NCMAP: variants seen among roughly 807,000 people sequenced by gnomAD.
NCMAP encodes noncompact myelin-associated protein.
Under a neutral mutation model 7.8 loss-of-function variants are expected in NCMAP, and 8 were observed. The observed-to-expected ratio is 1.02, with a 90% CI of 0.60 to 1.84. NCMAP has a LOEUF of 1.84. Ranked by LOEUF, NCMAP falls within the 40% of genes most tolerant of loss-of-function variation. NCMAP has a pLI of 0.00. For missense variants in NCMAP, 112 were observed against 131.4 expected (o/e 0.85, Z 0.72); for synonymous variants, 41 against 52.9 (o/e 0.78, Z 0.98).
chr1:24,587,596 C>T (rs1005819034), intron 1 of NCMAP, among the ~76,000 whole-genome samples: 14 of 152,270 alleles, frequency 9.2e-5, no homozygotes, highest in Non-Finnish European at 2.1e-4. Flanking sequence ...TCACTGCAGC[C>T]TCTGCCTCCC....
intron 2 of NCMAP, among the ~76,000 whole-genome samples, chr1:24,597,497 G>C (rs1411792871): frequency 1.0e-5 from 1 of 100,084 alleles, no homozygotes; most frequent in Non-Finnish European, 1.8e-5. Context: ...GAGAGAGACT[G>C]TCAAAAAAAG....
At chr1:24,577,044 A>G (rs1350371276) in intron 1 of NCMAP, among the ~76,000 whole-genome samples, 4 of 152,310 alleles carry the variant, frequency 2.6e-5, no homozygotes, top group Admixed American at 2.6e-4. Context: ...AGGCTGAGGA[A>G]GAAGCATCAC....
Position 24,605,586 on chromosome 1 carries a change from T to G in NCMAP, c.168-20T>G. On this transcript the variant is annotated intron_variant, in intron 3 of 3. Transcript: ENST00000374392. ...ATACCAGGGGAAAGACTCAACCATG[T>G]GCACATTATCTCCCTACAGGAAAAT... The G allele has an allele frequency of 6.2e-7, 1 of 1,613,318 alleles. No individual in the cohort carries two copies. The highest frequency in any genetic ancestry group is 8.5e-7 in the Non-Finnish European group (1 of 1,179,318).
intron 1 of NCMAP, among the ~76,000 whole-genome samples, chr1:24,579,941 A>G (rs2148930689): frequency 6.6e-6 from 1 of 152,280 alleles, no homozygotes; most frequent in South Asian, 2.1e-4. Flanking sequence ...TCAGCCAGAG[A>G]TTAGCCTTTG....
Position 24,606,054 on chromosome 1 carries a change from CAGAT to C in NCMAP, c.*311_*314del, listed in dbSNP as rs56768647. 9,494 of 310,240 alleles carry C rather than the reference CAGAT, an allele frequency of 0.031. 865 individuals carry two copies. The highest frequency in any genetic ancestry group is 0.19 in the African/African-American group (8,823 of 47,242). 19.2% of individuals were successfully genotyped at this position (310,240 alleles called of 1,614,324 possible). A position where few individuals can be genotyped will look rare whatever the true frequency, so the allele number is the denominator to read the frequency against. ...GGCTTTCCCCCACACTGTAGTTAGA[CAGAT>C]AGACAGATAGCCCAGGAGCCAGGTG... is the stretch of plus-strand genomic sequence containing the variant. On this transcript the variant is annotated 3_prime_UTR_variant, in exon 4 of 4. Transcript: ENST00000374392.
chr1:24,590,885 G>T (rs1652027419), intron 1 of NCMAP, among the ~76,000 whole-genome samples: 1 of 152,184 alleles, frequency 6.6e-6, no homozygotes, highest in Non-Finnish European at 1.5e-5. Flanking sequence ...AATACTTAGA[G>T]CTGCCATTTA....
intron 1 of NCMAP, among the ~76,000 whole-genome samples, chr1:24,572,448 G>A (rs926241879): frequency 8.0e-5 from 12 of 150,678 alleles, no homozygotes; most frequent in East Asian, 3.9e-4. Context: ...GGCTGAGCTC[G>A]GCACCTGCTA....
At chr1:24,600,865 G>A in intron 2 of NCMAP, 75 bp from the exon 3 acceptor site, 2 of 1,253,748 alleles carry the variant, frequency 1.6e-6, no homozygotes, top group East Asian at 4.6e-5. Context: ...AGGATGTCAG[G>A]TGCCACAGCA....
At chr1:24,567,746 T>C (rs1242353354) in intron 1 of NCMAP, among the ~76,000 whole-genome samples, 1 of 152,076 alleles carries the variant, frequency 6.6e-6, no homozygotes, top group Non-Finnish European at 1.5e-5. Context: ...CCACCCTCTT[T>C]CTAGTTCATG....
chr1:24,565,565 T>A (rs907784689), intron 1 of NCMAP, among the ~76,000 whole-genome samples: 1 of 137,420 alleles, frequency 7.3e-6, no homozygotes, highest in Non-Finnish European at 1.5e-5. Flanking sequence ...TTAGAAGTGA[T>A]AGAAGATTGT....
At chr1:24,588,093 A>C (rs1651945064) in intron 1 of NCMAP, among the ~76,000 whole-genome samples, 1 of 151,138 alleles carries the variant, frequency 6.6e-6, no homozygotes, top group South Asian at 2.1e-4. Flanking sequence ...TTTCCTTTTA[A>C]TTTTTTGAGA....
chr1:24,574,219 AGTGATTCTC>A (rs1430384512), intron 1 of NCMAP, among the ~76,000 whole-genome samples: 2 of 150,216 alleles, frequency 1.3e-5, no homozygotes, highest in African/African-American at 5.0e-5. Flanking sequence ...CCTGGGTTGA[AGTGATTCTC>A]CTGCCTCAGA....
At chr1:24,559,455 G>A (rs1246980517) in intron 1 of NCMAP, among the ~76,000 whole-genome samples, 1 of 152,234 alleles carries the variant, frequency 6.6e-6, no homozygotes, top group Non-Finnish European at 1.5e-5. Flanking sequence ...TCCTGAGCAG[G>A]GCAGGGGTGT....
At chr1:24,598,773 G>A (rs992056792) in intron 2 of NCMAP, among the ~76,000 whole-genome samples, 5 of 151,578 alleles carry the variant, frequency 3.3e-5, no homozygotes, top group Non-Finnish European at 4.4e-5. Flanking sequence ...GAATAGCTGG[G>A]ATTACAGGCT....
chr1:24,578,566 T>C (rs1029734308), intron 1 of NCMAP, among the ~76,000 whole-genome samples: 4 of 146,154 alleles, frequency 2.7e-5, no homozygotes, highest in Non-Finnish European at 4.5e-5. Flanking sequence ...CTTTCTTTTT[T>C]TTTTTTTTTT....
At chr1:24,591,051 C>T (rs908876562) in intron 1 of NCMAP, among the ~76,000 whole-genome samples, 2 of 146,978 alleles carry the variant, frequency 1.4e-5, no homozygotes, top group South Asian at 2.1e-4. Flanking sequence ...AAGACCCAGA[C>T]ACTTTATCTG....
intron 1 of NCMAP, among the ~76,000 whole-genome samples, chr1:24,565,407 G>GT (rs1225117698): frequency 9.0e-6 from 1 of 110,918 alleles, no homozygotes; most frequent in Admixed American, 9.8e-5. Context: ...TGCAACACTT[G>GT]TTCTCTTTTC....
At chr1:24,574,513 G>A (rs1461945742) in intron 1 of NCMAP, among the ~76,000 whole-genome samples, 1 of 152,172 alleles carries the variant, frequency 6.6e-6, no homozygotes, top group Non-Finnish European at 1.5e-5. Flanking sequence ...TCTTCAGCTT[G>A]CAGATAGCCT....
chr1:24,566,962 TAGAA>T (rs1408066572), intron 1 of NCMAP, among the ~76,000 whole-genome samples: 1 of 152,108 alleles, frequency 6.6e-6, no homozygotes, highest in Non-Finnish European at 1.5e-5. Context: ...GGTTTTTTAC[TAGAA>T]AAATATCCAA....
Sources: allele counts gnomAD v4.1 joint callset (sites outside exome capture counted in the v4.1 genomes callset), GRCh38; gene constraint gnomAD v4.1.1; transcripts MANE v1.5; gene names NCBI Gene and HGNC (gene_info 2026-07-23, HGNC 2026-07-21).